Variants in NAV3 observed in about 807,000 individuals in gnomAD.
The protein encoded by NAV3 is neuron navigator 3, also known as pore membrane and/or filament interacting like protein 1.
A neutral mutation model predicts 244.7 loss-of-function variants in NAV3; 87 were observed. The observed-to-expected ratio is 0.36, with a 90% CI of 0.30 to 0.42. The LOEUF is 0.42. NAV3 is among the 20% of genes least tolerant of loss of function. The pLI is 1.00. For missense variants in NAV3, 2,663 were observed against 2,893.3 expected, an observed-to-expected ratio of 0.92 and a Z score of 1.83; for synonymous variants, 1,126 against 1,042.2, an observed-to-expected ratio of 1.08 and a Z score of -1.55.
intron 22 of NAV3, among the ~76,000 whole-genome samples, 185 bp downstream of exon 22, chr12:78,149,104 A>G (rs1188265585): frequency 6.6e-6 from 1 of 152,136 alleles, no homozygotes; most frequent in Non-Finnish European, 1.5e-5. Context: ...AACTGATGAG[A>G]GGCAGCAATA....
intron 27 of NAV3, 61 bp from the exon 28 acceptor site, chr12:78,177,559 G>T: frequency 6.8e-7 from 1 of 1,469,232 alleles, no homozygotes; most frequent in Non-Finnish European, 9.3e-7. Flanking sequence ...TCTGAATCAT[G>T]ATTCTCACTT....
chr12:77,672,958 C>T (rs1874052178), intron 2 of NAV3, among the ~76,000 whole-genome samples: 1 of 151,818 alleles, frequency 6.6e-6, no homozygotes, highest in African/African-American at 2.4e-5. Context: ...GAAATGTTTG[C>T]CTTTTGTTCT....
At chr12:77,590,224 C>T (rs1220063001) in intron 2 of NAV3, among the ~76,000 whole-genome samples, 2 of 152,144 alleles carry the variant, frequency 1.3e-5, no homozygotes, top group Non-Finnish European at 2.9e-5. Flanking sequence ...GATGACAGAA[C>T]TTGGATGGGT....
intron 23 of NAV3, among the ~76,000 whole-genome samples, chr12:78,161,321 A>C (rs2139432762): frequency 6.6e-6 from 1 of 152,248 alleles, no homozygotes; most frequent in African/African-American, 2.4e-5. Context: ...TGAAAATTAT[A>C]AGATAACACC....
rs992939051 is a variant in NAV3, at chr12:78,166,337, G to A, written c.4870-2418G>A. On this transcript the variant is annotated intron_variant, in intron 23 of 39. Coordinates refer to ENST00000397909, the MANE Select transcript of NAV3 (RefSeq NM_001024383.2). The stretch of plus-strand genomic sequence containing the variant: ...GCAGATCTCATTAACTGAAATGAGA[G>A]AGAAGGAAGGAATTTTGCAAATATG... Among the ~76,000 whole-genome samples, 66 of 151,782 alleles carry A rather than the reference G, an allele frequency of 4.3e-4. 2 individuals are homozygous for A. Among genetic ancestry groups the A allele is most frequent in the Non-Finnish European group, 2.9e-5 (2 of 67,824 alleles).
In NAV3 at chr12:77,916,833, TA is replaced by T. The variant is rs1481972438; in HGVS notation, c.244-23480del. Among the ~76,000 whole-genome samples the T allele has an allele frequency of 7.2e-5, 11 of 152,076 alleles. No individual in the cohort carries two copies. The East Asian group carries it at 1.6e-3, about 22-fold the overall frequency. On this transcript the variant is annotated intron_variant, in intron 1 of 39. Transcript: ENST00000397909. ...ACTGTTTTATGATTACAATTAGTGT[TA>T]AAAAATATCTTTTCAGACTGATGAA...
At chr12:77,779,271 T>C (rs1870544600) in intron 2 of NAV3, among the ~76,000 whole-genome samples, 1 of 152,206 alleles carries the variant, frequency 6.6e-6, no homozygotes, top group African/African-American at 2.4e-5. Context: ...GCACATCGGT[T>C]GGGTGAAACC....
Position 77,914,628 on chromosome 12 carries a change from C to G in NAV3, c.244-25691C>G, listed in dbSNP as rs1886945222. Among the ~76,000 whole-genome samples, 3 of 152,026 alleles carry G rather than the reference C, an allele frequency of 2.0e-5. No homozygotes were observed. In the South Asian group the frequency reaches 6.2e-4, roughly 32 times the overall value. ...GGATAACCTTTACTTCTTGCTTTTT[C>G]ACCCCCTTTCATGATTATGGAGTGA... On this transcript the variant is annotated intron_variant, in intron 1 of 39. Transcript: ENST00000397909.
At chr12:77,580,067 G>C (rs532779751) in intron 2 of NAV3, among the ~76,000 whole-genome samples, 5 of 152,116 alleles carry the variant, frequency 3.3e-5, no homozygotes, top group Admixed American at 6.5e-5. Context: ...GGCCCCAGCA[G>C]TGCTAGTGTT....
At chr12:77,583,004 C>T (rs989616710) in intron 2 of NAV3, among the ~76,000 whole-genome samples, 9 of 152,174 alleles carry the variant, frequency 5.9e-5, no homozygotes, top group African/African-American at 2.2e-4. Flanking sequence ...CTTCGTTTTT[C>T]CACTTTGATA....
At chr12:77,948,375 GA>G (rs1460864043) in intron 3 of NAV3, among the ~76,000 whole-genome samples, 3 of 151,842 alleles carry the variant, frequency 2.0e-5, no homozygotes, top group African/African-American at 4.8e-5. Flanking sequence ...TTGAAGAGAA[GA>G]AATAATTTTT....
intron 28 of NAV3, among the ~76,000 whole-genome samples, chr12:78,178,060 A>C (rs1425678273): frequency 1.3e-5 from 2 of 151,968 alleles, no homozygotes; most frequent in African/African-American, 2.4e-5. Flanking sequence ...TAATTTAAAA[A>C]TTAGGCACAA....
intron 2 of NAV3, among the ~76,000 whole-genome samples, chr12:77,819,565 C>G (rs1217126444): frequency 6.6e-6 from 1 of 151,708 alleles, no homozygotes; most frequent in Non-Finnish European, 1.5e-5. Context: ...CCATTTTTTT[C>G]TACTCTCACC....
chr12:77,981,460 T>C (rs1033678848), intron 5 of NAV3, among the ~76,000 whole-genome samples: 4 of 152,138 alleles, frequency 2.6e-5, no homozygotes, highest in African/African-American at 9.6e-5. Context: ...CAAGCAATCA[T>C]AGGACACATA....
intron 24 of NAV3, among the ~76,000 whole-genome samples, chr12:78,173,306 A>G (rs1958081938): frequency 6.6e-6 from 1 of 151,640 alleles, no homozygotes; most frequent in Admixed American, 6.6e-5. Context: ...GGTAACTGAT[A>G]CTTCCAAGGA....
intron 1 of NAV3, among the ~76,000 whole-genome samples, chr12:77,863,680 G>A (rs1879588457): frequency 6.6e-6 from 1 of 151,224 alleles, no homozygotes; most frequent in African/African-American, 2.4e-5. Context: ...CAATATTTCT[G>A]TAATCTCTAA....
intron 2 of NAV3, among the ~76,000 whole-genome samples, chr12:77,765,431 T>A (rs903773207): frequency 2.6e-5 from 4 of 152,222 alleles, no homozygotes; most frequent in African/African-American, 9.6e-5. Context: ...CACATGCTAC[T>A]GGAAGAGAAG....
chr12:77,733,996 G>T (rs574528706), intron 2 of NAV3, among the ~76,000 whole-genome samples: 2 of 151,804 alleles, frequency 1.3e-5, no homozygotes, highest in Non-Finnish European at 2.9e-5. Flanking sequence ...ATTTTTGTTT[G>T]TTTGTTTGTT....
chr12:77,825,590 T>A (rs1216921077), intron 2 of NAV3, among the ~76,000 whole-genome samples: 2 of 152,154 alleles, frequency 1.3e-5, no homozygotes, highest in Non-Finnish European at 2.9e-5. Flanking sequence ...GAATCCACTT[T>A]ATAAAGATAC....
Sources: gnomAD v4.1 joint callset for allele counts (sites outside exome capture counted in the v4.1 genomes callset) on GRCh38, gnomAD v4.1.1 for gene constraint, MANE v1.5 for transcripts, NCBI Gene and HGNC (gene_info 2026-07-23, HGNC 2026-07-21) for gene names.